The following PRDM16 variants were observed in gnomAD, a reference collection of about 807,000 sequenced individuals.
The protein encoded by PRDM16 is histone-lysine N-methyltransferase PRDM16.
A neutral mutation model predicts 110.6 loss-of-function variants in PRDM16; 23 were observed. The observed-to-expected ratio is 0.21, with a 90% CI of 0.15 to 0.29. The LOEUF (loss-of-function observed/expected upper bound fraction) is 0.29, where lower values mean the gene tolerates loss of function less well. Among genes scored for constraint, PRDM16 ranks in the 10% least tolerant of loss-of-function variants. PRDM16 has a pLI of 1.00. For synonymous variants in PRDM16, 799 were observed against 781.8 expected, an observed-to-expected ratio of 1.02 and a Z score of -0.37; for missense variants, 1,615 against 1,794.3, an observed-to-expected ratio of 0.90 and a Z score of 1.81.
intron 2 of PRDM16, among the ~76,000 whole-genome samples, chr1:3,204,483 G>T (rs1271008823): frequency 6.6e-6 from 1 of 152,236 alleles, no homozygotes; most frequent in East Asian, 1.9e-4. Context: ...CCTCCTGGAA[G>T]AGCAGAGGCC....
At chr1:3,163,539 G>A (rs937980052) in intron 1 of PRDM16, among the ~76,000 whole-genome samples, 3 of 152,180 alleles carry the variant, frequency 2.0e-5, no homozygotes, top group Non-Finnish European at 4.4e-5. Context: ...TCCTGGGGAG[G>A]TCCTAACCGG....
intron 2 of PRDM16, chr1:3,207,591 A>G (rs13328662): frequency 0.15 from 22,792 of 152,274 alleles, 2,465 homozygotes; most frequent in African/African-American, 0.31. Context: ...CGTACTTGGC[A>G]TTCGCTCTTC....
intron 2 of PRDM16, among the ~76,000 whole-genome samples, chr1:3,218,804 C>A (rs1024793646): frequency 6.6e-6 from 1 of 152,214 alleles, no homozygotes; most frequent in Non-Finnish European, 1.5e-5. Flanking sequence ...CCCAGGTGCA[C>A]GCTCAGCGGA....
chr1:3,382,601 G>C lies in PRDM16; in HGVS notation c.439-2551G>C, dbSNP rs1054929898. Among the ~76,000 whole-genome samples, 1 of 152,174 alleles carries C rather than the reference G, an allele frequency of 6.6e-6. No homozygotes were observed. Among genetic ancestry groups the C allele is most frequent in the African/African-American group, 2.4e-5 (1 of 41,422 alleles). The stretch of plus-strand genomic sequence containing the variant: ...CCAGAACAGGGGGAAGGTGTTGGCT[G>C]AGCCCATGTCTTGGGTGCATTAGGG... On this transcript the variant is annotated intron_variant, in intron 3 of 16. Coordinates refer to ENST00000270722, the MANE Select transcript of PRDM16 (RefSeq NM_022114.4). This position sits in a 1 kb window ranked among gnomAD's most constrained non-coding sequence, Gnocchi z 6.6.
Position 3,356,878 on chromosome 1 carries a change from G to A in PRDM16, c.439-28274G>A, listed in dbSNP as rs558929574. 7.6e-4 allele frequency among the ~76,000 whole-genome samples: 116 copies of A among 152,220 alleles called. 1 individual carries two copies. In the South Asian group the frequency reaches 0.02, roughly 26 times the overall value. On this transcript the variant is annotated intron_variant, in intron 3 of 16. Transcript: ENST00000270722. ...TAGGGACCCTCAGAACCCAGGTGCCGGCTGGCTACCCCGGATCCCGGCAGC... is the reference window on the plus strand; with the variant it reads ...TAGGGACCCTCAGAACCCAGGTGCCAGCTGGCTACCCCGGATCCCGGCAGC...
intron 2 of PRDM16, among the ~76,000 whole-genome samples, chr1:3,230,668 G>A (rs7550396): frequency 0.017 from 2,568 of 152,318 alleles, 84 homozygotes; most frequent in East Asian, 0.11. Context: ...AGGCAGCTCC[G>A]ACGCGGCCCC....
At position 3,246,684 on chromosome 1, in the gene PRDM16, A is replaced by G. The variant is rs1457762594; in HGVS notation, c.438+2547A>G. On this transcript the variant is annotated intron_variant, in intron 3 of 16. Coordinates refer to ENST00000270722, the MANE Select transcript of PRDM16 (RefSeq NM_022114.4). This position sits in a 1 kb window ranked among gnomAD's most constrained non-coding sequence, Gnocchi z 5.2. ...ACTCATAGTTTTTTCAGCCTCCGCA[A>G]TAAACACCGTCAGCGTCTGGAGGAT... Among the ~76,000 whole-genome samples, 1 of 152,202 alleles carries G rather than the reference A, an allele frequency of 6.6e-6. No individual in the cohort carries two copies. Among genetic ancestry groups the G allele is most frequent in the Non-Finnish European group, 1.5e-5 (1 of 68,024 alleles).
intron 3 of PRDM16, among the ~76,000 whole-genome samples, chr1:3,336,341 C>A (rs1327755632): frequency 7.1e-6 from 1 of 141,390 alleles, no homozygotes; most frequent in African/African-American, 2.5e-5. Context: ...TGTGTACATG[C>A]ACATGTGTGT....
chr1:3,361,678 G>C (rs1449073222), intron 3 of PRDM16, among the ~76,000 whole-genome samples: 1 of 152,222 alleles, frequency 6.6e-6, no homozygotes, highest in Admixed American at 6.5e-5. Flanking sequence ...ACATGGGCTG[G>C]GGTGAAGAGT....
intron 3 of PRDM16, among the ~76,000 whole-genome samples, chr1:3,321,451 TG>T (rs928874537): frequency 2.7e-5 from 4 of 149,476 alleles, no homozygotes; most frequent in African/African-American, 7.4e-5. Context: ...TTTGTGTTTG[TG>T]GGGGGCACAT....
chr1:3,139,161 C>A (rs1314714645), intron 1 of PRDM16, among the ~76,000 whole-genome samples: 2 of 147,556 alleles, frequency 1.4e-5, no homozygotes, highest in Non-Finnish European at 2.9e-5. Flanking sequence ...CGTTTCAGAG[C>A]GGACGGTTGC....
At chr1:3,251,695 G>A (rs997197965) in intron 3 of PRDM16, among the ~76,000 whole-genome samples, 1 of 152,206 alleles carries the variant, frequency 6.6e-6, no homozygotes, top group African/African-American at 2.4e-5. Context: ...CGTGCAGACA[G>A]GACACCTCTC....
intron 4 of PRDM16, chr1:3,386,657 A>T (rs1038013684): frequency 5.9e-5 from 9 of 152,322 alleles, no homozygotes; most frequent in South Asian, 2.1e-4. Context: ...ACTTAAAAAA[A>T]TTTTTTTCTT....
At chr1:3,320,036 G>GCCT (rs914181671) in intron 3 of PRDM16, among the ~76,000 whole-genome samples, 7 of 152,140 alleles carry the variant, frequency 4.6e-5, no homozygotes, top group Non-Finnish European at 1.0e-4. Context: ...CAGTGCCTGG[G>GCCT]CCTGGTGGCC....
intron 3 of PRDM16, among the ~76,000 whole-genome samples, chr1:3,355,617 C>T (rs1642579957): frequency 6.6e-6 from 1 of 152,176 alleles, no homozygotes; most frequent in African/African-American, 2.4e-5. Context: ...ACGGTGGGTG[C>T]TCTCCTGCTG....
Position 3,080,378 on chromosome 1 carries a change from C to T in PRDM16, c.37+11082C>T, listed in dbSNP as rs758816720. ...CCACGAAGCACCGGGGATTTACGGC[C>T]GACCCGCGCTTTCCGATCGGTTTCT... On this transcript the variant is annotated intron_variant, in intron 1 of 16. Transcript: ENST00000270722. This position sits in a 1 kb window ranked among gnomAD's most constrained non-coding sequence, Gnocchi z 5.2. Among the ~76,000 whole-genome samples, 21 of 152,164 alleles carry T rather than the reference C, an allele frequency of 1.4e-4. No homozygotes were observed. Among genetic ancestry groups the T allele is most frequent in the Admixed American group, 4.6e-4 (7 of 15,276 alleles).
At chr1:3,197,361 G>A (rs1000375466) in intron 2 of PRDM16, among the ~76,000 whole-genome samples, 10 of 152,176 alleles carry the variant, frequency 6.6e-5, no homozygotes, top group South Asian at 2.1e-4. Context: ...CCATCACAGC[G>A]GCCCCAGCTC....
chr1:3,349,979 T>TGGAGGAGGA (rs3036532), intron 3 of PRDM16, among the ~76,000 whole-genome samples: 6 of 151,208 alleles, frequency 4.0e-5, no homozygotes, highest in African/African-American at 1.5e-4. Context: ...TCCTGAGCCC[T>TGGAGGAGGA]GGAGGAGACA....
chr1:3,427,797 A>G (rs1033639918), intron 14 of PRDM16, among the ~76,000 whole-genome samples: 7 of 151,964 alleles, frequency 4.6e-5, no homozygotes, highest in African/African-American at 1.7e-4. Context: ...CCTCACCTCC[A>G]CCCCAGTGCA....
Sources: gnomAD v4.1 joint callset for allele counts (sites outside exome capture counted in the v4.1 genomes callset) on GRCh38, gnomAD v4.1.1 for gene constraint, Gnocchi (gnomAD v3.1) non-coding constraint, MANE v1.5 for transcripts, NCBI Gene and HGNC (gene_info 2026-07-23, HGNC 2026-07-21) for gene names.